Variants in ATP13A5 observed in about 807,000 individuals in gnomAD.
The protein encoded by ATP13A5 is probable cation-transporting ATPase 13A5.
Under a neutral mutation model 150.2 loss-of-function variants are expected in ATP13A5, and 149 were observed. The observed-to-expected ratio is 0.99, with a 90% CI of 0.87 to 1.14. The LOEUF is 1.14. Ranked by LOEUF, ATP13A5 falls within the 50% of genes most tolerant of loss-of-function variation. The pLI is 0.00. For synonymous variants in ATP13A5, 497 were observed against 522.2 expected, an observed-to-expected ratio of 0.95 and a Z score of 0.66; for missense variants, 1,383 against 1,449.3, an observed-to-expected ratio of 0.95 and a Z score of 0.74.
chr3:193,285,459 A>G (rs1454742794), intron 26 of ATP13A5, among the ~76,000 whole-genome samples: 1 of 152,152 alleles, frequency 6.6e-6, no homozygotes, highest in Non-Finnish European at 1.5e-5. Flanking sequence ...CAAGACTCCT[A>G]ACTTGAGTTT....
chr3:193,327,888 G>C (rs1449219985), intron 12 of ATP13A5, among the ~76,000 whole-genome samples: 2 of 152,174 alleles, frequency 1.3e-5, no homozygotes, highest in African/African-American at 4.8e-5. Context: ...GCCCACCAGA[G>C]CTTTACCAAG....
Position 193,351,191 on chromosome 3 carries a change from G to T in ATP13A5, c.617C>A (p.Pro206Gln), listed in dbSNP as rs1712549755. 1 of 1,613,536 alleles carries T rather than the reference G, an allele frequency of 6.2e-7. No individual in the cohort carries two copies. Among genetic ancestry groups the T allele is most frequent in the Non-Finnish European group, 8.5e-7 (1 of 1,179,676 alleles). ...WKLLVKQVLN[P>Q]FYVFQAFTLT... ...GGTGAAGGCTTGGAACACATAGAATGGATTTAAAACCTGCAGGCACAAAAA... is the reference window on the plus strand; with the variant it reads ...GGTGAAGGCTTGGAACACATAGAATTGATTTAAAACCTGCAGGCACAAAAA... The change falls in exon 7 of 30, where the codon CCA becomes CAA. Residue 206 changes from proline to glutamine, a missense_variant. By Grantham distance (76) the Pro-to-Gln change is moderately conservative. Coordinates refer to ENST00000342358, the MANE Select transcript of ATP13A5 (RefSeq NM_198505.4).
chr3:193,356,167 C>T (rs1305855762), intron 5 of ATP13A5, among the ~76,000 whole-genome samples: 1 of 152,068 alleles, frequency 6.6e-6, no homozygotes, highest in African/African-American at 2.4e-5. Flanking sequence ...AATAGCTACC[C>T]TGACTCTTAA....
chr3:193,316,004 C>T (rs1455231469), intron 17 of ATP13A5, among the ~76,000 whole-genome samples: 1 of 152,080 alleles, frequency 6.6e-6, no homozygotes, highest in East Asian at 1.9e-4. Flanking sequence ...TCTCTACTCT[C>T]TACTTCTATG....
intron 2 of ATP13A5, among the ~76,000 whole-genome samples, 160 bp downstream of exon 2, chr3:193,363,947 G>A (rs569929664): frequency 1.3e-5 from 2 of 152,096 alleles, no homozygotes; most frequent in African/African-American, 2.4e-5. Flanking sequence ...GGATTGCAGA[G>A]GTAATTTTGC....
rs1711803237 is a variant in ATP13A5 at position 193,335,090 on chromosome 3, A to G, written c.953T>C (p.Ile318Thr). 3.1e-6 allele frequency: 5 copies of G among 1,613,546 alleles called. No individual in the cohort carries two copies. The highest frequency in any genetic ancestry group is 4.2e-6 in the Non-Finnish European group (5 of 1,179,648). Reference sequence around the variant, plus strand: ...GGGCAATGGTGTCTTTGTAACAGGTATACTTTCTCCTAAAGAGGATTGTAT... The same window carrying G: ...GGGCAATGGTGTCTTTGTAACAGGTGTACTTTCTCCTAAAGAGGATTGTAT... Reference protein sequence around the residue: ...VNEGMLTGESIPVTKTPLPQM... With the variant: ...VNEGMLTGESTPVTKTPLPQM... Residue 318 changes from isoleucine to threonine, a missense_variant, in exon 10 of 30, where the codon ATA becomes ACA. Physicochemically the swap from Ile to Thr is moderately conservative, Grantham distance 89 (BLOSUM62 -1). Transcript: ENST00000342358.
chr3:193,316,632 C>G (rs183453334), intron 17 of ATP13A5, among the ~76,000 whole-genome samples: 2 of 152,126 alleles, frequency 1.3e-5, no homozygotes, highest in Non-Finnish European at 2.9e-5. Context: ...GGAGAAATGT[C>G]TATTCAGGGC....
At chr3:193,328,975 G>C (rs899640531) in intron 12 of ATP13A5, among the ~76,000 whole-genome samples, 1 of 152,178 alleles carries the variant, frequency 6.6e-6, no homozygotes, top group Non-Finnish European at 1.5e-5. Flanking sequence ...GGCCGGGCAC[G>C]GTGGCTCACG....
At position 193,355,374 on chromosome 3, in the gene ATP13A5, T is replaced by C. The variant is rs547352917; in HGVS notation, c.537-1178A>G. Among the ~76,000 whole-genome samples the C allele has an allele frequency of 2.0e-5, 3 of 152,294 alleles. No homozygotes were observed. In the South Asian group the frequency reaches 6.2e-4, roughly 32 times the overall value. On this transcript the variant is annotated intron_variant, in intron 5 of 29. Coordinates refer to ENST00000342358, the MANE Select transcript of ATP13A5 (RefSeq NM_198505.4). ...ATTGTAATAGAAACTCAAGCTCCGATAAACCAAGAAACTTTTCCAGGATCG... is the reference window on the plus strand; with the variant it reads ...ATTGTAATAGAAACTCAAGCTCCGACAAACCAAGAAACTTTTCCAGGATCG...
intron 16 of ATP13A5, among the ~76,000 whole-genome samples, chr3:193,321,458 C>T (rs1043408272): frequency 1.1e-4 from 16 of 151,938 alleles, no homozygotes; most frequent in Non-Finnish European, 7.4e-5. Context: ...TGGTGAAACC[C>T]CGTCTCTACT....
intron 19 of ATP13A5, among the ~76,000 whole-genome samples, chr3:193,312,274 C>T (rs1301604294): frequency 2.6e-5 from 4 of 151,584 alleles, no homozygotes; most frequent in African/African-American, 7.3e-5. Flanking sequence ...CCTCTTCTTC[C>T]TTCTCCTCCT....
chr3:193,324,088 A>G (rs540633101), intron 14 of ATP13A5: 16 of 152,000 alleles, frequency 1.1e-4, no homozygotes, highest in African/African-American at 3.9e-4. Flanking sequence ...ATTACCCCAA[A>G]CGTACAGATG....
intron 18 of ATP13A5, 64 bp from the exon 19 acceptor site, chr3:193,314,257 G>A: frequency 6.5e-7 from 1 of 1,547,330 alleles, no homozygotes; most frequent in Non-Finnish European, 8.8e-7. Flanking sequence ...AAGAACTGAG[G>A]TCTCCCTTTT....
At chr3:193,280,214 C>T (rs2108815867) in intron 27 of ATP13A5, among the ~76,000 whole-genome samples, 1 of 152,110 alleles carries the variant, frequency 6.6e-6, no homozygotes, top group East Asian at 1.9e-4. Flanking sequence ...CCATGCATGG[C>T]TAAATTTTTT....
At chr3:193,359,724 C>A (rs2108898395) in intron 5 of ATP13A5, among the ~76,000 whole-genome samples, 1 of 152,196 alleles carries the variant, frequency 6.6e-6, no homozygotes, top group South Asian at 2.1e-4. Flanking sequence ...CCCTGTCTAT[C>A]AAAGCTTTTT....
At chr3:193,310,848 T>A (rs1436125680) in intron 20 of ATP13A5, 131 bp from the exon 21 acceptor site, 2 of 574,756 alleles carry the variant, frequency 3.5e-6, no homozygotes, top group Non-Finnish European at 5.9e-6. Flanking sequence ...ATTAGACCAA[T>A]ACCAGGAAGG....
intron 5 of ATP13A5, among the ~76,000 whole-genome samples, chr3:193,361,118 A>C (rs1712990002): frequency 6.6e-6 from 1 of 152,226 alleles, no homozygotes; most frequent in Non-Finnish European, 1.5e-5. Flanking sequence ...GTCTACATCT[A>C]TCAACTAGAA....
intron 23 of ATP13A5, 76 bp downstream of exon 23, chr3:193,305,483 T>G: frequency 1.8e-6 from 2 of 1,139,954 alleles, no homozygotes; most frequent in Non-Finnish European, 2.7e-6. Context: ...CACTTTAGCT[T>G]GTAGTTGAAT....
At position 193,324,784 on chromosome 3, in the gene ATP13A5, T is replaced by G. The variant is rs1041877501; in HGVS notation, c.1674+80A>C. 4.0e-6 allele frequency: 6 copies of G among 1,498,082 alleles called. No homozygotes were observed. The Admixed American group carries it at 9.5e-5, about 24-fold the overall frequency. 92.8% of individuals were successfully genotyped at this position (1,498,082 alleles called of 1,614,324 possible). A position where few individuals can be genotyped will look rare whatever the true frequency, so the allele number is the denominator to read the frequency against. On this transcript the variant is annotated intron_variant, in intron 14 of 29. Coordinates refer to ENST00000342358, the MANE Select transcript of ATP13A5 (RefSeq NM_198505.4). The stretch of plus-strand genomic sequence containing the variant: ...ATTATTATGAACCTTCTCTGTGTTT[T>G]AACAAAAATTAGAAAAGCTTCAGCA...
Sources: allele counts gnomAD v4.1 joint callset (sites outside exome capture counted in the v4.1 genomes callset), GRCh38; gene constraint gnomAD v4.1.1; transcripts MANE v1.5; gene names NCBI Gene and HGNC (gene_info 2026-07-23, HGNC 2026-07-21).